The following GPC6 variants were observed in gnomAD, a reference collection of about 807,000 sequenced individuals.
GPC6 encodes the protein glypican 6.
In GPC6, 14 loss-of-function variants were observed where a neutral mutation model predicts 55.2. The ratio of observed to expected loss-of-function variants is 0.25; its 90% CI spans 0.17 to 0.40. The LOEUF is 0.40. GPC6 is among the 10% of genes least tolerant of loss of function. GPC6 has a pLI of 1.00. For missense variants in GPC6, 641 were observed against 708.5 expected, an observed-to-expected ratio of 0.90 and a Z score of 1.08; for synonymous variants, 278 against 259.6, an observed-to-expected ratio of 1.07 and a Z score of -0.68.
At chr13:94,153,257 C>T (rs1887808840) in intron 4 of GPC6, among the ~76,000 whole-genome samples, 2 of 152,050 alleles carry the variant, frequency 1.3e-5, no homozygotes, top group Admixed American at 1.3e-4. Flanking sequence ...TTCACCAGTT[C>T]TCTTCTCACT....
intron 4 of GPC6, among the ~76,000 whole-genome samples, chr13:94,075,829 G>T (rs569256916): frequency 6.6e-6 from 1 of 152,144 alleles, no homozygotes; most frequent in East Asian, 1.9e-4. Flanking sequence ...ATATTCCATT[G>T]ACTGTATATA....
intron 6 of GPC6, 118 bp downstream of exon 6, chr13:94,306,241 G>A: frequency 4.2e-6 from 4 of 962,172 alleles, no homozygotes; most frequent in Non-Finnish European, 6.7e-6. Context: ...GCTTATATCT[G>A]CCTCTGTTCT....
chr13:93,799,754 G>C lies in GPC6; in HGVS notation c.320-30400G>C, dbSNP rs192803186. Among the ~76,000 whole-genome samples the C allele has an allele frequency of 1.9e-3, 285 of 152,268 alleles. 2 individuals carry two copies. The highest frequency in any genetic ancestry group is 3.1e-3 in the Non-Finnish European group (210 of 68,032). On this transcript the variant is annotated intron_variant, in intron 2 of 8. Transcript: ENST00000377047. The stretch of plus-strand genomic sequence containing the variant: ...ACTGTATGGAAAGCATGTTACATGG[G>C]ACTGGCTCTGTAAACCAAAGTCTGA...
intron 1 of GPC6, among the ~76,000 whole-genome samples, chr13:93,279,138 A>T (rs1465373870): frequency 6.6e-6 from 1 of 152,206 alleles, no homozygotes; most frequent in Non-Finnish European, 1.5e-5. Flanking sequence ...TTGCTAGAAT[A>T]TCTGTGGTTC....
At chr13:93,445,186 G>A (rs1459691731) in intron 1 of GPC6, among the ~76,000 whole-genome samples, 2 of 152,176 alleles carry the variant, frequency 1.3e-5, no homozygotes, top group African/African-American at 4.8e-5. Flanking sequence ...CCAACGTCTG[G>A]AGTAGTAAGG....
intron 2 of GPC6, among the ~76,000 whole-genome samples, chr13:93,670,921 T>G (rs1881332078): frequency 6.6e-6 from 1 of 152,344 alleles, no homozygotes; most frequent in Non-Finnish European, 1.5e-5. Flanking sequence ...TTAGAAACCA[T>G]TCCCTTTCAT....
intron 2 of GPC6, among the ~76,000 whole-genome samples, chr13:93,698,556 T>C (rs1468270720): frequency 1.3e-5 from 2 of 150,832 alleles, no homozygotes. Context: ...ATTTTCCTTT[T>C]ATTAGTTAGA....
chr13:94,232,391 G>A (rs763591780), intron 4 of GPC6, among the ~76,000 whole-genome samples: 63 of 152,278 alleles, frequency 4.1e-4, no homozygotes, highest in Non-Finnish European at 2.9e-4. Flanking sequence ...CGCCTGCCAC[G>A]TCACACACTG....
intron 5 of GPC6, among the ~76,000 whole-genome samples, chr13:94,295,611 C>T (rs1875291197): frequency 6.6e-6 from 1 of 152,142 alleles, no homozygotes; most frequent in Admixed American, 6.5e-5. Flanking sequence ...GTGCAGGAGA[C>T]TGTGTCAGCA....
Position 93,356,566 on chromosome 13 carries a change from G to A in GPC6, c.160+128950G>A, listed in dbSNP as rs142212873. ...GGTTGTCCAAGCTGAAAAAGCATTC[G>A]CAAGCACAAACATATTTTATGTCCA... On this transcript the variant is annotated intron_variant, in intron 1 of 8. Transcript: ENST00000377047. Among the ~76,000 whole-genome samples, 776 of 152,256 alleles carry A rather than the reference G, an allele frequency of 5.1e-3. 9 individuals are homozygous for A. The highest frequency in any genetic ancestry group is 0.018 in the African/African-American group (752 of 41,546).
intron 2 of GPC6, among the ~76,000 whole-genome samples, chr13:93,806,879 C>T (rs1034810769): frequency 6.6e-6 from 1 of 152,074 alleles, no homozygotes; most frequent in African/African-American, 2.4e-5. Flanking sequence ...TGTCTGTATT[C>T]TCAGTATAAA....
chr13:93,623,455 C>CTTTTTTTTTTTT (rs567830011), intron 2 of GPC6, among the ~76,000 whole-genome samples: 8 of 116,170 alleles, frequency 6.9e-5, no homozygotes, highest in African/African-American at 2.7e-4. Flanking sequence ...CTTTTCTTTT[C>CTTTTTTTTTTTT]TTTTTTTTTT....
At chr13:93,275,250 A>C (rs1877690011) in intron 1 of GPC6, among the ~76,000 whole-genome samples, 1 of 152,210 alleles carries the variant, frequency 6.6e-6, no homozygotes, top group African/African-American at 2.4e-5. Context: ...TGGTTCATTT[A>C]AGATCTTAAT....
intron 1 of GPC6, among the ~76,000 whole-genome samples, chr13:93,397,887 A>G (rs112240786): frequency 1.2e-4 from 19 of 152,170 alleles, no homozygotes; most frequent in African/African-American, 3.9e-4. Context: ...TGTGAAATGT[A>G]TATTCTTAGC....
In GPC6 at chr13:93,997,322, A is replaced by C. The variant is rs1054558744; in HGVS notation, c.712-30407A>C. On this transcript the variant is annotated intron_variant, in intron 3 of 8. Transcript: ENST00000377047. Reference sequence around the variant, plus strand: ...TCTCCTATTTTATGTATTAAAATCAACCAAGTTCTTCTCTTTGGTAGGATT... The same window carrying C: ...TCTCCTATTTTATGTATTAAAATCACCCAAGTTCTTCTCTTTGGTAGGATT... Among the ~76,000 whole-genome samples the C allele has an allele frequency of 5.3e-5, 8 of 152,190 alleles. No individual in the cohort carries two copies. The South Asian group carries it at 6.2e-4, about 12-fold the overall frequency.
At chr13:94,291,296 A>C (rs540625527) in intron 5 of GPC6, among the ~76,000 whole-genome samples, 2 of 152,326 alleles carry the variant, frequency 1.3e-5, no homozygotes, top group South Asian at 2.1e-4. Context: ...AAATGACAGA[A>C]ACAAAATAGT....
At chr13:94,017,920 C>T (rs576183393) in intron 3 of GPC6, among the ~76,000 whole-genome samples, 2 of 152,150 alleles carry the variant, frequency 1.3e-5, no homozygotes, top group South Asian at 4.2e-4. Flanking sequence ...TTGTGATCCA[C>T]CCGCCTCAGC....
intron 6 of GPC6, among the ~76,000 whole-genome samples, chr13:94,370,710 AT>A: frequency 6.6e-6 from 1 of 152,164 alleles, no homozygotes. Flanking sequence ...ATCTGCAAAC[AT>A]TTTTGGTCTT....
intron 4 of GPC6, among the ~76,000 whole-genome samples, chr13:94,217,657 G>T (rs1041103035): frequency 1.3e-5 from 2 of 152,100 alleles, no homozygotes; most frequent in Admixed American, 6.6e-5. Flanking sequence ...ATGAAAAACT[G>T]CTATCATCCC....
Sources: allele counts gnomAD v4.1 joint callset (sites outside exome capture counted in the v4.1 genomes callset), GRCh38; gene constraint gnomAD v4.1.1; transcripts MANE v1.5; gene names NCBI Gene and HGNC (gene_info 2026-07-23, HGNC 2026-07-21).